LSM14A: variants seen among roughly 807,000 people sequenced by gnomAD.
LSM14A encodes the protein protein LSM14 homolog A.
A neutral mutation model predicts 52.4 loss-of-function variants in LSM14A; 14 were observed. The ratio of observed to expected loss-of-function variants is 0.27; its 90% CI spans 0.18 to 0.42. The LOEUF is 0.42. LSM14A is among the 10% of genes least tolerant of loss of function. The probability of loss-of-function intolerance (pLI) is 1.00; values close to 1 mark genes in which losing one functional copy is unlikely to be tolerated. For synonymous variants in LSM14A, 185 were observed against 200.3 expected (o/e 0.92, Z 0.64); for missense variants, 417 against 581.8 (o/e 0.72, Z 2.91).
chr19:34,210,846 A>G (rs988706092), intron 4 of LSM14A, among the ~76,000 whole-genome samples: 2 of 151,774 alleles, frequency 1.3e-5, no homozygotes, highest in Admixed American at 6.6e-5. Context: ...TGCTGGGATT[A>G]TAGGCATGAG....
At chr19:34,190,581 G>T (rs756314819) in intron 1 of LSM14A, among the ~76,000 whole-genome samples, 19 of 149,568 alleles carry the variant, frequency 1.3e-4, no homozygotes, top group Non-Finnish European at 1.3e-4. Flanking sequence ...TTGACATGAT[G>T]AGAGATGAAA....
chr19:34,183,085 AT>A (rs2069615404), intron 1 of LSM14A, among the ~76,000 whole-genome samples: 1 of 151,972 alleles, frequency 6.6e-6, no homozygotes, highest in African/African-American at 2.4e-5. Flanking sequence ...TGGTTTTATC[AT>A]TTGGAGATTA....
At chr19:34,226,398 T>TA (rs756292781) in intron 9 of LSM14A, 29 of 1,384,102 alleles carry the variant, frequency 2.1e-5, no homozygotes, top group African/African-American at 6.2e-5. Flanking sequence ...TTTTTTTTTT[T>TA]ACCTTTCAGA....
chr19:34,219,676 G>C (rs2072921540), intron 7 of LSM14A, 30 bp from the exon 8 acceptor site: 2 of 1,592,136 alleles, frequency 1.3e-6, no homozygotes, highest in African/African-American at 2.7e-5. Flanking sequence ...TAGCTGTCTT[G>C]ACTTTTCTGA....
At chr19:34,212,946 C>A (rs1825073507) in intron 4 of LSM14A, among the ~76,000 whole-genome samples, 1 of 151,982 alleles carries the variant, frequency 6.6e-6, no homozygotes, top group Non-Finnish European at 1.5e-5. Flanking sequence ...AATGTAGTAC[C>A]ATAAAATTAA....
intron 4 of LSM14A, among the ~76,000 whole-genome samples, chr19:34,214,816 ATTT>A (rs35905842): frequency 1.1e-4 from 15 of 142,720 alleles, no homozygotes; most frequent in Non-Finnish European, 1.7e-4. Context: ...CCTGGCAGCA[ATTT>A]TTTTTTTTTT....
At chr19:34,194,728 G>A in intron 2 of LSM14A, 87 bp downstream of exon 2, 2 of 1,220,716 alleles carry the variant, frequency 1.6e-6, no homozygotes, top group South Asian at 2.5e-5. Context: ...GAATGTTCAT[G>A]TAGCTTATCA....
chr19:34,211,329 C>T (rs956795936), intron 4 of LSM14A, among the ~76,000 whole-genome samples: 4 of 151,530 alleles, frequency 2.6e-5, no homozygotes, highest in Admixed American at 2.0e-4. Context: ...GTCCTAAAGC[C>T]TAATCCATTG....
Position 34,219,887 on chromosome 19 carries a change from T to C in LSM14A, c.1136+10T>C, listed in dbSNP as rs745469861. 1 of 1,582,120 alleles carries C rather than the reference T, an allele frequency of 6.3e-7. No homozygotes were observed. The highest frequency in any genetic ancestry group is 8.7e-7 in the Non-Finnish European group (1 of 1,155,930). On this transcript the variant is annotated intron_variant, in intron 8 of 9. Coordinates refer to ENST00000544216, the MANE Select transcript of LSM14A (RefSeq NM_015578.4). The stretch of plus-strand genomic sequence containing the variant: ...CTTGTGATGACAATAGGTACAGTTT[T>C]TAAGCTGTTCTTTTATCTTATGATA...
In LSM14A at chr19:34,221,627, T is replaced by C; in HGVS notation, c.1257T>C (p.Gly419=). 6.2e-7 allele frequency: 1 copy of C among 1,614,070 alleles called. No individual in the cohort carries two copies. The change falls in exon 9 of 10, where the codon GGT becomes GGC. Residue 419 remains glycine, a synonymous_variant. Transcript: ENST00000544216. ...GCAGAGGAGGTCTTGGTTTCCGTGG[T>C]GGCAGAGGGCGTGGTGGTGGCAGAG... ...YRGRGGLGFR[G]GRGRGGGRGG... is the part of the protein sequence containing the mutation.
At chr19:34,186,420 A>C (rs1276393273) in intron 1 of LSM14A, among the ~76,000 whole-genome samples, 1 of 152,232 alleles carries the variant, frequency 6.6e-6, no homozygotes, top group East Asian at 1.9e-4. Flanking sequence ...GGCCTCATCC[A>C]GTCAGTGGAA....
chr19:34,215,605 A>T lies in LSM14A; in HGVS notation c.725A>T (p.His242Leu), dbSNP rs1157316033. 12 of 1,613,216 alleles carry T rather than the reference A, an allele frequency of 7.4e-6. No individual in the cohort carries two copies. The highest frequency in any genetic ancestry group is 1.0e-5 in the Non-Finnish European group (12 of 1,179,304). ...ENQEHRRAEV[H>L]KVSRPENEQL... ...ATGTCTTCTTCTGTAGCTGAAGTAC[A>T]CAAAGTTTCAAGGCCAGAAAATGAG... is the stretch of plus-strand genomic sequence containing the variant. Residue 242 changes from histidine to leucine, a missense_variant, in exon 6 of 10, where the codon CAC (histidine) becomes CTC (leucine). His to Leu is a moderately conservative substitution (Grantham distance 99). This residue lies in a region of LSM14A where 357 missense variants were observed against 457.0 expected (regional missense o/e 0.78). Coordinates refer to ENST00000544216, the MANE Select transcript of LSM14A (RefSeq NM_015578.4).
At chr19:34,176,949 A>T (rs1400076163) in intron 1 of LSM14A, among the ~76,000 whole-genome samples, 1 of 152,208 alleles carries the variant, frequency 6.6e-6, no homozygotes, top group Non-Finnish European at 1.5e-5. Context: ...GTGGTATCAT[A>T]TATTTCAATT....
At position 34,221,162 on chromosome 19, in the gene LSM14A, A is replaced by G. The variant is rs1481774444; in HGVS notation, c.1137-345A>G. 2.0e-5 allele frequency among the ~76,000 whole-genome samples: 3 copies of G among 147,972 alleles called. 1 individual carries two copies. In the East Asian group the frequency reaches 6.0e-4, roughly 29 times the overall value. On this transcript the variant is annotated intron_variant, in intron 8 of 9. Transcript: ENST00000544216. ...CAGTGGCTCGATCTCGACTCACTGC[A>G]ACCTCCACCTCCCAGGTTCAGGTGA... is the stretch of plus-strand genomic sequence containing the variant.
At chr19:34,210,144 C>G (rs2072025556) in intron 4 of LSM14A, among the ~76,000 whole-genome samples, 1 of 152,080 alleles carries the variant, frequency 6.6e-6, no homozygotes, top group Non-Finnish European at 1.5e-5. Context: ...GACCTATAGT[C>G]ACAAGACAGT....
At chr19:34,185,798 TATAA>T (rs2069861535) in intron 1 of LSM14A, among the ~76,000 whole-genome samples, 1 of 152,228 alleles carries the variant, frequency 6.6e-6, no homozygotes, top group South Asian at 2.1e-4. Context: ...TGTACATATA[TATAA>T]ATGTCAGAAA....
intron 9 of LSM14A, chr19:34,226,562 T>A: frequency 9.7e-7 from 1 of 1,035,330 alleles, no homozygotes; most frequent in Non-Finnish European, 1.4e-6. Context: ...TGCCATACCA[T>A]ATGTATTTCA....
At chr19:34,218,708 T>C (rs1474434282) in intron 6 of LSM14A, among the ~76,000 whole-genome samples, 1 of 152,234 alleles carries the variant, frequency 6.6e-6, no homozygotes, top group East Asian at 1.9e-4. Flanking sequence ...CTGCTTTGTA[T>C]TGCTTTATCA....
chr19:34,179,726 A>T (rs1390761539), intron 1 of LSM14A, among the ~76,000 whole-genome samples: 1 of 152,182 alleles, frequency 6.6e-6, no homozygotes, highest in Non-Finnish European at 1.5e-5. Flanking sequence ...AAGAAATCTT[A>T]TCTGTGCATG....
Sources: allele counts gnomAD v4.1 joint callset (sites outside exome capture counted in the v4.1 genomes callset), GRCh38; gene constraint gnomAD v4.1.1; regional missense constraint gnomAD v4.1.1; transcripts MANE v1.5; gene names NCBI Gene and HGNC (gene_info 2026-07-23, HGNC 2026-07-21).